The following SLC9C1 variants were observed in gnomAD, a reference collection of about 807,000 sequenced individuals.
The protein encoded by SLC9C1 is solute carrier family 9 member C1, also known as sodium/hydrogen exchanger 10.
In SLC9C1, 97 loss-of-function variants were observed where a neutral mutation model predicts 140.9. The ratio of observed to expected loss-of-function variants is 0.69; its 90% CI spans 0.58 to 0.82. The LOEUF (loss-of-function observed/expected upper bound fraction) is 0.82. Ranked by LOEUF, SLC9C1 falls within the 40% of genes least tolerant of loss-of-function variation. The pLI is 0.00. For missense variants in SLC9C1, 1,340 were observed against 1,389.3 expected (o/e 0.96, Z 0.56); for synonymous variants, 440 against 442.6 (o/e 0.99, Z 0.07).
intron 15 of SLC9C1, among the ~76,000 whole-genome samples, chr3:112,214,198 C>T (rs1208234654): frequency 1.3e-5 from 2 of 152,212 alleles, no homozygotes; most frequent in Non-Finnish European, 2.9e-5. Flanking sequence ...CTCTGGGACA[C>T]ATTTAAAGCA....
At chr3:112,291,661 T>C (rs2080686895) in intron 1 of SLC9C1, among the ~76,000 whole-genome samples, 1 of 152,238 alleles carries the variant, frequency 6.6e-6, no homozygotes, top group Non-Finnish European at 1.5e-5. Flanking sequence ...GCTTATACAC[T>C]GTTGGTGGGA....
At chr3:112,176,946 C>T (rs1439041803) in intron 23 of SLC9C1, among the ~76,000 whole-genome samples, 4 of 149,616 alleles carry the variant, frequency 2.7e-5, no homozygotes, top group African/African-American at 9.8e-5. Flanking sequence ...TTTAACAGAT[C>T]TTTCCTTTCT....
intron 26 of SLC9C1, among the ~76,000 whole-genome samples, chr3:112,160,209 G>GTTAT (rs1053771630): frequency 2.7e-5 from 4 of 146,992 alleles, no homozygotes; most frequent in Admixed American, 1.3e-4. Context: ...TTTTAAATAA[G>GTTAT]TTATTTATTT....
In SLC9C1 at chr3:112,253,642, C is replaced by T. The variant is rs914708243; in HGVS notation, c.1197+9282G>A. Among the ~76,000 whole-genome samples, 4 of 152,270 alleles carry T rather than the reference C, an allele frequency of 2.6e-5. No individual in the cohort carries two copies. The South Asian group carries it at 8.3e-4, about 32-fold the overall frequency. ...TCTACTGACTGCACACAATCTGCAC[C>T]ACAGCTAAAGGGACACCCAAACACA... On this transcript the variant is annotated intron_variant, in intron 10 of 28. Coordinates refer to ENST00000305815, the MANE Select transcript of SLC9C1 (RefSeq NM_183061.3).
At chr3:112,145,589 C>CTTTTTTTTT (rs61547345) in intron 28 of SLC9C1, among the ~76,000 whole-genome samples, 4 of 28,232 alleles carry the variant, frequency 1.4e-4, no homozygotes, top group Non-Finnish European at 2.4e-4. Context: ...CTGCCCTTGG[C>CTTTTTTTTT]TTTTTTTTTT....
chr3:112,234,960 G>A (rs1476507944), intron 12 of SLC9C1, among the ~76,000 whole-genome samples: 3 of 151,812 alleles, frequency 2.0e-5, no homozygotes, highest in Non-Finnish European at 4.4e-5. Context: ...AGCAATGTGG[G>A]CTCTTTTTTG....
chr3:112,274,681 C>T (rs1260820652), intron 6 of SLC9C1, among the ~76,000 whole-genome samples: 1 of 152,114 alleles, frequency 6.6e-6, no homozygotes, highest in South Asian at 2.1e-4. Context: ...CTCCCATAAG[C>T]ATCTTCATGA....
In SLC9C1 at chr3:112,266,100, T is replaced by C. The variant is rs989108055; in HGVS notation, c.878+138A>G. 1.1e-5 allele frequency: 7 copies of C among 629,812 alleles called. No homozygotes were observed. The East Asian group carries it at 2.3e-4, about 21-fold the overall frequency. The allele number at this position is 629,812 out of a possible 1,614,324, so 39.0% of individuals were successfully genotyped here. On this transcript the variant is annotated intron_variant, in intron 8 of 28. Transcript: ENST00000305815. The stretch of plus-strand genomic sequence containing the variant: ...AAGACACAGGCAAGAAAAAATAAAA[T>C]CTAGGAAAGGTTTTTAGTTGGGTAG...
chr3:112,168,790 A>C, intron 25 of SLC9C1, 87 bp downstream of exon 25: 1 of 1,246,974 alleles, frequency 8.0e-7, no homozygotes, highest in East Asian at 2.4e-5. Context: ...TGAAAAGCTT[A>C]AGATTATAGT....
At chr3:112,236,941 G>C (rs879477245) in intron 12 of SLC9C1, among the ~76,000 whole-genome samples, 2 of 152,326 alleles carry the variant, frequency 1.3e-5, no homozygotes, top group Non-Finnish European at 2.9e-5. Flanking sequence ...TGTATATTCT[G>C]TTGGTTTGGG....
Position 112,263,098 on chromosome 3 carries a change from T to C in SLC9C1, c.1023A>G (p.Arg341=). The C allele has an allele frequency of 1.3e-6, 2 of 1,563,230 alleles. No individual in the cohort carries two copies. The highest frequency in any genetic ancestry group is 1.7e-6 in the Non-Finnish European group (2 of 1,162,628). ...LNIYLTLIVL[R]FLTLLLISPV... Reference sequence around the variant, plus strand: ...GGCTTATTAAAAGAAGGGTCAGAAATCTAAAAGACAAAACAATTTTTACAA... The same window carrying C: ...GGCTTATTAAAAGAAGGGTCAGAAACCTAAAAGACAAAACAATTTTTACAA... The change falls in exon 10 of 29, where the codon AGA becomes AGG. Residue 341 remains arginine (R), a splice_region_variant and synonymous_variant. Transcript: ENST00000305815.
chr3:112,237,325 T>C (rs1391660919), intron 12 of SLC9C1, among the ~76,000 whole-genome samples: 1 of 152,186 alleles, frequency 6.6e-6, no homozygotes, highest in Non-Finnish European at 1.5e-5. Context: ...TGGTAGATCT[T>C]CCTCCATCCC....
rs1260814380 is a variant in SLC9C1 at position 112,157,545 on chromosome 3, G to A, written c.3365-2496C>T. Among the ~76,000 whole-genome samples the A allele has an allele frequency of 2.0e-5, 3 of 151,800 alleles. 1 individual carries two copies. Among genetic ancestry groups the A allele is most frequent in the East Asian group, 3.9e-4 (2 of 5,192 alleles). Reference sequence around the variant, plus strand: ...ATGGATTTTAGGATTTTTTTTCTATGTCTGTGGAGAATGCTTGTTGGTATT... The same window carrying A: ...ATGGATTTTAGGATTTTTTTTCTATATCTGTGGAGAATGCTTGTTGGTATT... On this transcript the variant is annotated intron_variant, in intron 26 of 28. Transcript: ENST00000305815.
intron 6 of SLC9C1, among the ~76,000 whole-genome samples, chr3:112,273,048 C>G (rs1331688677): frequency 1.3e-5 from 2 of 152,020 alleles, no homozygotes; most frequent in Non-Finnish European, 2.9e-5. Context: ...TTAAATAAAG[C>G]CTGGTAGAAC....
intron 6 of SLC9C1, among the ~76,000 whole-genome samples, chr3:112,272,233 A>T (rs570552287): frequency 6.6e-6 from 1 of 152,340 alleles, no homozygotes; most frequent in Non-Finnish European, 1.5e-5. Flanking sequence ...CGAAGACCCC[A>T]GTTTGAAAGT....
intron 9 of SLC9C1, 73 bp from the exon 10 acceptor site, chr3:112,263,171 T>C: frequency 7.9e-7 from 1 of 1,264,632 alleles, no homozygotes; most frequent in Non-Finnish European, 1.1e-6. Context: ...TACTCTATTC[T>C]AATCTACTCC....
chr3:112,161,158 T>C (rs2075285911), intron 26 of SLC9C1, among the ~76,000 whole-genome samples: 1 of 152,194 alleles, frequency 6.6e-6, no homozygotes, highest in African/African-American at 2.4e-5. Flanking sequence ...TCATTGTAGA[T>C]TCTGGATATT....
At chr3:112,197,913 C>T (rs1036643555) in intron 20 of SLC9C1, among the ~76,000 whole-genome samples, 1 of 152,062 alleles carries the variant, frequency 6.6e-6, no homozygotes, top group Non-Finnish European at 1.5e-5. Context: ...TACTGCCTGT[C>T]GGCCTGCTCC....
intron 12 of SLC9C1, among the ~76,000 whole-genome samples, chr3:112,239,030 G>T (rs1214691810): frequency 1.3e-5 from 2 of 152,200 alleles, no homozygotes; most frequent in African/African-American, 2.4e-5. Context: ...GCTGCCTTTT[G>T]TTCAGCTATG....
Sources: gnomAD v4.1 joint callset for allele counts (sites outside exome capture counted in the v4.1 genomes callset) on GRCh38, gnomAD v4.1.1 for gene constraint, MANE v1.5 for transcripts, NCBI Gene and HGNC (gene_info 2026-07-23, HGNC 2026-07-21) for gene names.